SMIM29: variants seen among roughly 807,000 people sequenced by gnomAD.
SMIM29 encodes uncharacterized protein C6orf1.
In SMIM29, 4 loss-of-function variants were observed where a neutral mutation model predicts 12.9. The ratio of observed to expected loss-of-function variants is 0.31; its 90% CI spans 0.15 to 0.71. The LOEUF is 0.71. Among genes scored for constraint, SMIM29 ranks in the 30% least tolerant of loss-of-function variants. The pLI is 0.70. For synonymous variants in SMIM29, 50 were observed against 52.0 expected (o/e 0.96, Z 0.17); for missense variants, 122 against 138.1 (o/e 0.88, Z 0.58).
Position 34,246,397 on chromosome 6 carries a change from G to A in SMIM29, c.*406C>T. 1.7e-6 allele frequency: 2 copies of A among 1,198,858 alleles called. No individual in the cohort carries two copies. Among genetic ancestry groups the A allele is most frequent in the South Asian group, 2.1e-5 (1 of 48,518 alleles). 74.3% of individuals were successfully genotyped at this position (1,198,858 alleles called of 1,614,324 possible). On this transcript the variant is annotated 3_prime_UTR_variant, in exon 5 of 5. Transcript: ENST00000476320. ...CCTCTTGATGAAATCAAAACCCCTA[G>A]CCACAAAACATTTTATTTACAAAAT...
chr6:34,246,963 G>A, intron 4 of SMIM29, 81 bp downstream of exon 4: 1 of 1,608,550 alleles, frequency 6.2e-7, no homozygotes, highest in Non-Finnish European at 8.5e-7. Context: ...CCAGGCTCTG[G>A]TTTCAGTGTG....
chr6:34,246,786 G>A lies in SMIM29; in HGVS notation c.*17C>T, dbSNP rs778613736. 5 of 1,613,256 alleles carry A rather than the reference G, an allele frequency of 3.1e-6. No individual in the cohort carries two copies. The highest frequency in any genetic ancestry group is 3.4e-6 in the Non-Finnish European group (4 of 1,180,008). Reference sequence around the variant, plus strand: ...TCCAGGACCCCAGGCTCTGAAGGGTGGGGCAAGGGGGTCAGGTCACGTCTT... The same window carrying A: ...TCCAGGACCCCAGGCTCTGAAGGGTAGGGCAAGGGGGTCAGGTCACGTCTT... On this transcript the variant is annotated 3_prime_UTR_variant, in exon 5 of 5. Transcript: ENST00000476320.
In SMIM29 at chr6:34,247,774, C is replaced by T. The variant is rs1762862765; in HGVS notation, c.18G>A (p.Val6=). The part of the protein sequence containing the change: MSNTT[V]PNAPQANSDS... The stretch of plus-strand genomic sequence containing the variant: ...CGCTGTTGGCCTGGGGGGCATTGGG[C>T]ACAGTGGTGTTACTCATGACATCAG... Residue 6 remains valine (V), a synonymous_variant, in exon 2 of 5, where the codon GTG becomes GTA. Coordinates refer to ENST00000476320, the MANE Select transcript of SMIM29 (RefSeq NM_001008703.4). The T allele has an allele frequency of 6.7e-6, 9 of 1,343,324 alleles. No homozygotes were observed. The highest frequency in any genetic ancestry group is 8.5e-6 in the Non-Finnish European group (9 of 1,053,232). The allele number at this position is 1,343,324 out of a possible 1,614,324, so 83.2% of individuals were successfully genotyped here. A position where few individuals can be genotyped will look rare whatever the true frequency, so the allele number is the denominator to read the frequency against.
intron 1 of SMIM29, 40 bp from the exon 2 acceptor site, chr6:34,247,904 GACATC>G (rs1299062934): frequency 8.0e-7 from 1 of 1,244,972 alleles, no homozygotes; most frequent in African/African-American, 1.6e-5. Context: ...GCACCCAGGT[GACATC>G]CAGACTCTGG....
At chr6:34,246,917 G>A (rs772301810) in intron 4 of SMIM29, 49 bp from the exon 5 acceptor site, 30 of 1,597,424 alleles carry the variant, frequency 1.9e-5, no homozygotes, top group Non-Finnish European at 2.4e-5. Flanking sequence ...TTCCCTGGGA[G>A]TCTGCAGCAC....
At chr6:34,246,950 G>GT in intron 4 of SMIM29, 82 bp from the exon 5 acceptor site, 1 of 1,605,864 alleles carries the variant, frequency 6.2e-7, no homozygotes, top group Non-Finnish European at 8.5e-7. Context: ...CAAGTAAGCA[G>GT]AACCAGGCTC....
At position 34,246,577 on chromosome 6, in the gene SMIM29, TGCCTGTGGGTGG is replaced by T. The variant is rs1762772244; in HGVS notation, c.*214_*225del. 1 of 1,604,782 alleles carries T rather than the reference TGCCTGTGGGTGG, an allele frequency of 6.2e-7. No homozygotes were observed. The highest frequency in any genetic ancestry group is 1.3e-5 in the African/African-American group (1 of 74,690). ...CAGAAGGAAAGCCTCTTCCCATGAG[TGCCTGTGGGTGG>T]GCGGTGAGCTCAACACCCACAAAGG... On this transcript the variant is annotated 3_prime_UTR_variant, in exon 5 of 5. Transcript: ENST00000476320.
chr6:34,247,169 A>G lies in SMIM29; in HGVS notation c.138-20T>C. ...TCCACCCTGGGGAGCAGGGGAGGGG[A>G]CTCAGCTAGGAGGTCCCCCCAACCC... On this transcript the variant is annotated intron_variant, in intron 3 of 4. Transcript: ENST00000476320. 6.2e-7 allele frequency: 1 copy of G among 1,613,606 alleles called. No individual in the cohort carries two copies. Among genetic ancestry groups the G allele is most frequent in the African/African-American group, 1.3e-5 (1 of 74,964 alleles).
intron 1 of SMIM29, 116 bp from the exon 2 acceptor site, chr6:34,247,980 G>A: frequency 1.6e-6 from 2 of 1,230,550 alleles, no homozygotes; most frequent in Non-Finnish European, 1.0e-6. Flanking sequence ...CTGGGAGGAG[G>A]GATCCTCCAG....
intron 1 of SMIM29, 144 bp from the exon 2 acceptor site, chr6:34,248,008 G>A (rs1561884841): frequency 8.2e-7 from 1 of 1,224,866 alleles, no homozygotes; most frequent in Non-Finnish European, 1.0e-6. Flanking sequence ...TACTGGGTGT[G>A]ACCCTCCAGT....
At chr6:34,248,916 C>G (rs1160454242) in intron 1 of SMIM29, 63 bp downstream of exon 1, 4 of 985,664 alleles carry the variant, frequency 4.1e-6, no homozygotes, top group South Asian at 9.4e-5. Context: ...CCTGGAAGCC[C>G]GTCACCCGAG....
In SMIM29 at chr6:34,247,744, G is replaced by T; in HGVS notation, c.48C>A (p.Ser16=). ...AGGGCCCCAACACATAGCCCACCATGGAGTCGCTGTTGGCCTGGGGGGCAT... is the reference window on the plus strand; with the variant it reads ...AGGGCCCCAACACATAGCCCACCATTGAGTCGCTGTTGGCCTGGGGGGCAT... The part of the protein sequence containing the change: ...VPNAPQANSD[S]MVGYVLGPFF... The change falls in exon 2 of 5, where the codon TCC becomes TCA. Residue 16 remains serine, a synonymous_variant. Transcript: ENST00000476320. The T allele has an allele frequency of 4.4e-6, 6 of 1,362,708 alleles. No homozygotes were observed. Among genetic ancestry groups the T allele is most frequent in the Non-Finnish European group, 5.6e-6 (6 of 1,064,084 alleles). 84.4% of individuals were successfully genotyped at this position (1,362,708 alleles called of 1,614,324 possible).
chr6:34,247,165 G>A lies in SMIM29; in HGVS notation c.138-16C>T, dbSNP rs1365997387. Reference sequence around the variant, plus strand: ...CCGGTCCACCCTGGGGAGCAGGGGAGGGGACTCAGCTAGGAGGTCCCCCCA... The same window carrying A: ...CCGGTCCACCCTGGGGAGCAGGGGAAGGGACTCAGCTAGGAGGTCCCCCCA... On this transcript the variant is annotated splice_polypyrimidine_tract_variant and intron_variant, in intron 3 of 4. Transcript: ENST00000476320. 7 of 1,613,924 alleles carry A rather than the reference G, an allele frequency of 4.3e-6. No individual in the cohort carries two copies. Among genetic ancestry groups the A allele is most frequent in the Non-Finnish European group, 5.9e-6 (7 of 1,179,978 alleles).
At chr6:34,248,777 G>C in intron 1 of SMIM29, 12 of 985,804 alleles carry the variant, frequency 1.2e-5, no homozygotes, top group Non-Finnish European at 1.3e-5. Flanking sequence ...AGGGTGGGGA[G>C]GGCGTCAGGC....
chr6:34,246,824 T>C lies in SMIM29; in HGVS notation c.288A>G (p.Pro96=), dbSNP rs2127551191. The C allele has an allele frequency of 6.2e-7, 1 of 1,612,406 alleles. No homozygotes were observed. Among genetic ancestry groups the C allele is most frequent in the East Asian group, 2.2e-5 (1 of 44,872 alleles). ...WQSGYQHKRM[P]LLDVKT The stretch of plus-strand genomic sequence containing the variant: ...CAGGTCACGTCTTGACATCCAGCAG[T>C]GGCATCCGCTTGTGCTGGTAGCCAC... Residue 96 remains proline, a synonymous_variant, in exon 5 of 5, where the codon CCA becomes CCG. Transcript: ENST00000476320.
At chr6:34,247,273 A>G (rs1762835834) in intron 3 of SMIM29, 124 bp from the exon 4 acceptor site, 5 of 1,567,284 alleles carry the variant, frequency 3.2e-6, no homozygotes, top group Non-Finnish European at 3.5e-6. Flanking sequence ...GGGACACACT[A>G]TACCTCCAAG....
chr6:34,248,738 C>T (rs534684747), intron 1 of SMIM29: 2 of 985,592 alleles, frequency 2.0e-6, no homozygotes, highest in South Asian at 4.7e-5. Context: ...CAGTCGTATG[C>T]TCATCGTCCC....
intron 1 of SMIM29, chr6:34,248,272 C>T (rs1762887722): frequency 2.0e-6 from 2 of 985,348 alleles, no homozygotes; most frequent in South Asian, 4.7e-5. Context: ...GAAGGACCTG[C>T]ACTGCAGCCA....
intron 3 of SMIM29, 70 bp from the exon 4 acceptor site, chr6:34,247,219 C>CTT (rs2127551720): frequency 2.5e-6 from 4 of 1,607,996 alleles, no homozygotes; most frequent in Non-Finnish European, 2.5e-6. Flanking sequence ...GCTGCCTCGT[C>CTT]TCCTCCCTTT....
Sources: gnomAD v4.1 joint callset for allele counts on GRCh38, gnomAD v4.1.1 for gene constraint, MANE v1.5 for transcripts, NCBI Gene and HGNC (gene_info 2026-07-23, HGNC 2026-07-21) for gene names.